The following RBFOX1 variants were observed in gnomAD, a reference collection of about 807,000 sequenced individuals.
The protein encoded by RBFOX1 is RNA binding protein fox-1 homolog 1.
A neutral mutation model predicts 57.7 loss-of-function variants in RBFOX1; 8 were observed. The observed-to-expected ratio is 0.14, with a 90% confidence interval of 0.08 to 0.25. The LOEUF is 0.25. Among genes scored for constraint, RBFOX1 ranks in the 10% least tolerant of loss-of-function variants. RBFOX1 has a pLI of 1.00. For synonymous variants in RBFOX1, 326 were observed against 222.4 expected (o/e 1.47, Z -4.15); for missense variants, 611 against 548.5 (o/e 1.11, Z -1.14).
chr16:6,948,110 G>A (rs1422129889), intron 3 of RBFOX1, among the ~76,000 whole-genome samples: 2 of 151,976 alleles, frequency 1.3e-5, no homozygotes, highest in Non-Finnish European at 2.9e-5. Flanking sequence ...TGCGGTTTGA[G>A]AAGGAGTAGA....
At chr16:7,030,337 T>C (rs1162779243) in intron 3 of RBFOX1, among the ~76,000 whole-genome samples, 1 of 152,188 alleles carries the variant, frequency 6.6e-6, no homozygotes, top group Non-Finnish European at 1.5e-5. Context: ...ATTCATTTCC[T>C]AGCATTGCCA....
intron 3 of RBFOX1, among the ~76,000 whole-genome samples, chr16:5,801,295 A>T (rs1479990519): frequency 1.3e-5 from 2 of 151,848 alleles, no homozygotes; most frequent in African/African-American, 4.8e-5. Flanking sequence ...CTTTCAAATT[A>T]TGCAGATTTT....
At chr16:6,450,866 T>C (rs1160528995) in intron 2 of RBFOX1, among the ~76,000 whole-genome samples, 1 of 102,740 alleles carries the variant, frequency 9.7e-6, no homozygotes, top group Non-Finnish European at 1.9e-5. Flanking sequence ...TATATATATA[T>C]ATATATATCT....
intron 3 of RBFOX1, among the ~76,000 whole-genome samples, chr16:6,866,599 T>G (rs939686002): frequency 7.7e-6 from 1 of 129,584 alleles, no homozygotes; most frequent in African/African-American, 2.9e-5. Context: ...TGGAGTGCAG[T>G]GGTGCGATCT....
At chr16:5,575,678 A>C (rs925829787) in intron 2 of RBFOX1, among the ~76,000 whole-genome samples, 6 of 152,206 alleles carry the variant, frequency 3.9e-5, no homozygotes, top group Non-Finnish European at 8.8e-5. Context: ...TGGAGTGTGG[A>C]CCTAACCAGT....
At chr16:7,374,316 T>G (rs1490773892) in intron 4 of RBFOX1, among the ~76,000 whole-genome samples, 1 of 152,212 alleles carries the variant, frequency 6.6e-6, no homozygotes, top group Non-Finnish European at 1.5e-5. Context: ...CTTCTTAAGG[T>G]GTTTGGCACA....
chr16:7,638,473 A>G (rs1470690249), intron 11 of RBFOX1, among the ~76,000 whole-genome samples: 1 of 152,096 alleles, frequency 6.6e-6, no homozygotes, highest in Non-Finnish European at 1.5e-5. Context: ...CTGAGCAGGG[A>G]GTGGTCACGG....
At chr16:7,292,083 T>C (rs2095791604) in intron 4 of RBFOX1, among the ~76,000 whole-genome samples, 1 of 75,948 alleles carries the variant, frequency 1.3e-5, no homozygotes, top group Non-Finnish European at 2.5e-5. Context: ...GAATATATGA[T>C]GTATAATATA....
At chr16:6,141,640 C>A (rs913654137) in intron 1 of RBFOX1, among the ~76,000 whole-genome samples, 1 of 152,274 alleles carries the variant, frequency 6.6e-6, no homozygotes, top group South Asian at 2.1e-4. Context: ...TTTCTAATTT[C>A]TTCCAAATTC....
chr16:7,588,011 T>A (rs904286117), intron 7 of RBFOX1, among the ~76,000 whole-genome samples: 1 of 152,056 alleles, frequency 6.6e-6, no homozygotes, highest in African/African-American at 2.4e-5. Context: ...GAACCTCGTC[T>A]TTACTAAAAA....
intron 3 of RBFOX1, among the ~76,000 whole-genome samples, chr16:6,711,772 C>T (rs1215675380): frequency 6.6e-6 from 1 of 152,226 alleles, no homozygotes. Context: ...CACTCTCATT[C>T]TAGACTTCGT....
chr16:5,694,164 C>T (rs573624243), intron 3 of RBFOX1, among the ~76,000 whole-genome samples: 10 of 152,182 alleles, frequency 6.6e-5, no homozygotes, highest in African/African-American at 1.9e-4. Flanking sequence ...AATGTGTGGC[C>T]GGGGATTTTG....
intron 4 of RBFOX1, among the ~76,000 whole-genome samples, chr16:7,256,335 C>A (rs901940194): frequency 6.6e-6 from 1 of 152,126 alleles, no homozygotes; most frequent in African/African-American, 2.4e-5. Flanking sequence ...CTGATGAAGC[C>A]ACCATTCCTA....
chr16:7,170,280 C>T (rs1330561520), intron 4 of RBFOX1, among the ~76,000 whole-genome samples: 1 of 152,054 alleles, frequency 6.6e-6, no homozygotes, highest in African/African-American at 2.4e-5. Flanking sequence ...TAATTGAGCA[C>T]TCTGTTTTTA....
chr16:6,637,890 A>G (rs2098458364), intron 2 of RBFOX1, among the ~76,000 whole-genome samples: 1 of 152,114 alleles, frequency 6.6e-6, no homozygotes, highest in Admixed American at 6.6e-5. Flanking sequence ...GAGACAGTGA[A>G]TTACATTTTA....
chr16:5,855,160 C>G (rs983859678), intron 3 of RBFOX1, among the ~76,000 whole-genome samples: 1 of 152,176 alleles, frequency 6.6e-6, no homozygotes, highest in South Asian at 2.1e-4. Context: ...GAAGTATTTT[C>G]TCCCACTCCG....
chr16:5,340,282 G>A (rs193155468), intron 1 of RBFOX1, among the ~76,000 whole-genome samples: 4 of 152,262 alleles, frequency 2.6e-5, no homozygotes, highest in African/African-American at 9.6e-5. Context: ...TGGGGAAAGG[G>A]GAGGAATTTG....
chr16:6,379,504 A>G (rs903212387), intron 2 of RBFOX1, among the ~76,000 whole-genome samples: 2 of 152,152 alleles, frequency 1.3e-5, no homozygotes, highest in South Asian at 2.1e-4. Flanking sequence ...ATAGGAGGGC[A>G]TAAGAACCCA....
At chr16:5,456,925 AG>A (rs1214966216) in intron 1 of RBFOX1, among the ~76,000 whole-genome samples, 1 of 152,102 alleles carries the variant, frequency 6.6e-6, no homozygotes, top group Non-Finnish European at 1.5e-5. Flanking sequence ...TTCCACCTCT[AG>A]GCCTTTATCT....
Sources: gnomAD v4.1 joint callset for allele counts (sites outside exome capture counted in the v4.1 genomes callset) on GRCh38, gnomAD v4.1.1 for gene constraint, MANE v1.5 for transcripts, NCBI Gene and HGNC (gene_info 2026-07-23, HGNC 2026-07-21) for gene names.